Variants in AP4S1 observed in about 807,000 individuals in gnomAD.
AP4S1 encodes the protein adaptor related protein complex 4 subunit sigma 1, also known as AP-4 complex subunit sigma-1.
AP4S1 carries 23 observed loss-of-function variants against 19.8 expected under a neutral mutation model. The ratio of observed to expected loss-of-function variants is 1.16; its 90% confidence interval spans 0.84 to 1.65. AP4S1 has a LOEUF of 1.65. Ranked by LOEUF, AP4S1 falls within the 40% of genes most tolerant of loss-of-function variation. The probability of loss-of-function intolerance (pLI) is 0.00; values close to 1 mark genes in which losing one functional copy is unlikely to be tolerated. For missense variants in AP4S1, 166 were observed against 172.8 expected, an observed-to-expected ratio of 0.96 and a Z score of 0.22; for synonymous variants, 46 against 54.1, an observed-to-expected ratio of 0.85 and a Z score of 0.66.
chr14:31,059,136 A>G (rs1886292976), intron 1 of AP4S1, among the ~76,000 whole-genome samples: 1 of 152,176 alleles, frequency 6.6e-6, no homozygotes, highest in Non-Finnish European at 1.5e-5. Context: ...AAAATAGTTT[A>G]CAGTTGTGTT....
At chr14:31,070,523 C>T (rs1886943808) in intron 3 of AP4S1, among the ~76,000 whole-genome samples, 1 of 152,168 alleles carries the variant, frequency 6.6e-6, no homozygotes, top group Non-Finnish European at 1.5e-5. Flanking sequence ...GCTGGGAATA[C>T]AGGCACAAGC....
chr14:31,071,953 G>A (rs970225591), intron 3 of AP4S1, among the ~76,000 whole-genome samples: 1 of 149,182 alleles, frequency 6.7e-6, no homozygotes, highest in African/African-American at 2.5e-5. Context: ...ATGGAGTCTC[G>A]CTATGTCACT....
rs1887834741 is a variant in AP4S1, at chr14:31,084,704, C to T, written c.306+4120C>T. ...CCTGTTTCTACAGGGAGACTTTGCC[C>T]CATCACATACCTTGGTAGATTTATT... is the stretch of plus-strand genomic sequence containing the variant. On this transcript the variant is annotated intron_variant, in intron 5 of 5. Coordinates refer to ENST00000542754, the MANE Select transcript of AP4S1 (RefSeq NM_001128126.3). 2.5e-6 allele frequency: 4 copies of T among 1,607,794 alleles called. 1 individual carries two copies. In the South Asian group the frequency reaches 3.3e-5, roughly 13 times the overall value.
At chr14:31,035,347 G>A (rs915399696) in intron 1 of AP4S1, among the ~76,000 whole-genome samples, 4 of 149,370 alleles carry the variant, frequency 2.7e-5, no homozygotes, top group Non-Finnish European at 5.9e-5. Flanking sequence ...AGCACACGCC[G>A]CCACACCCAG....
rs78430423 is a variant in AP4S1 at position 31,041,807 on chromosome 14, T to G, written c.-72+16020T>G. Among the ~76,000 whole-genome samples the G allele has an allele frequency of 3.1e-3, 478 of 152,354 alleles. 1 individual carries two copies. Among genetic ancestry groups the G allele is most frequent in the African/African-American group, 0.011 (449 of 41,580 alleles). ...CCATTTCTAACCTATACCCACAGTT[T>G]GTCAAAGTAAGTATTTAATTCCCTA... On this transcript the variant is annotated intron_variant, in intron 1 of 5. Transcript: ENST00000542754.
rs1883838598 is a variant in AP4S1 at position 31,025,833 on chromosome 14, A to G, written c.-72+46A>G. 10 of 1,539,478 alleles carry G rather than the reference A, an allele frequency of 6.5e-6. No individual in the cohort carries two copies. In the South Asian group the frequency reaches 1.2e-4, roughly 18 times the overall value. ...CAAGGCGCCGGCTCCGGCTGAGTGG[A>G]GTCCCCAGCCCCACCCCCCGGCCGG... On this transcript the variant is annotated intron_variant, in intron 1 of 5. Transcript: ENST00000542754.
chr14:31,031,770 C>T (rs1341318953), intron 1 of AP4S1, among the ~76,000 whole-genome samples: 1 of 152,148 alleles, frequency 6.6e-6, no homozygotes. Flanking sequence ...GTCATTTCCT[C>T]TCTTAAAGCT....
chr14:31,026,200 C>A (rs1479029277), intron 1 of AP4S1: 9 of 1,404,922 alleles, frequency 6.4e-6, no homozygotes, highest in Non-Finnish European at 8.3e-6. Flanking sequence ...TGTGGGGCCC[C>A]GGCCGGGGCG....
chr14:31,060,258 T>G (rs936522479), intron 1 of AP4S1, among the ~76,000 whole-genome samples: 1 of 151,932 alleles, frequency 6.6e-6, no homozygotes, highest in Non-Finnish European at 1.5e-5. Context: ...ACCCCAGTTA[T>G]ATGGGGCTGA....
chr14:31,037,728 T>C (rs979777422), intron 1 of AP4S1, among the ~76,000 whole-genome samples: 1 of 152,160 alleles, frequency 6.6e-6, no homozygotes, highest in African/African-American at 2.4e-5. Context: ...GGTGGGAGGA[T>C]TGTTTGAGCC....
chr14:31,077,495 A>G (rs1462431036), intron 4 of AP4S1, among the ~76,000 whole-genome samples: 1 of 152,194 alleles, frequency 6.6e-6, no homozygotes, highest in Non-Finnish European at 1.5e-5. Context: ...GTCTTAGTGC[A>G]GCAGTTCTCA....
rs1252698123 is a variant in AP4S1, at chr14:31,094,931, G to A, written c.*1896G>A. On this transcript the variant is annotated 3_prime_UTR_variant, in exon 6 of 6. Coordinates refer to ENST00000542754, the MANE Select transcript of AP4S1 (RefSeq NM_001128126.3). ...CTCAGGAGGCTGAGGCAGTAGAATT[G>A]CTTGAACCCGGGAGGCAGAGGTTGC... 4 of 151,864 alleles carry A rather than the reference G, an allele frequency of 2.6e-5. No homozygotes were observed. The highest frequency in any genetic ancestry group is 9.7e-5 in the African/African-American group (4 of 41,284). The allele number at this position is 151,864 out of a possible 1,614,324, so 9.4% of individuals were successfully genotyped here.
intron 1 of AP4S1, among the ~76,000 whole-genome samples, chr14:31,039,791 G>A (rs1235342337): frequency 2.6e-5 from 4 of 151,206 alleles, no homozygotes; most frequent in East Asian, 2.0e-4. Flanking sequence ...GGGTTTCACC[G>A]TGTTAGCCAG....
chr14:31,038,964 A>G (rs943555932), intron 1 of AP4S1, among the ~76,000 whole-genome samples: 2 of 149,052 alleles, frequency 1.3e-5, no homozygotes, highest in African/African-American at 4.9e-5. Flanking sequence ...TTAATGACTC[A>G]TTTGTTTTTG....
In AP4S1 at chr14:31,026,286, G is replaced by T. The variant is rs1219494633; in HGVS notation, c.-72+499G>T. 4 of 1,257,464 alleles carry T rather than the reference G, an allele frequency of 3.2e-6. No individual in the cohort carries two copies. The East Asian group carries it at 9.6e-5, about 30-fold the overall frequency. 77.9% of individuals were successfully genotyped at this position (1,257,464 alleles called of 1,614,324 possible). On this transcript the variant is annotated intron_variant, in intron 1 of 5. Coordinates refer to ENST00000542754, the MANE Select transcript of AP4S1 (RefSeq NM_001128126.3). Reference sequence around the variant, plus strand: ...GCTGGCTGCGGGGCGGAGGCCGGCCGGGAGAGGGGCGGGGAAGGGGTCGTT... The same window carrying T: ...GCTGGCTGCGGGGCGGAGGCCGGCCTGGAGAGGGGCGGGGAAGGGGTCGTT...
At chr14:31,085,136 T>G in intron 5 of AP4S1, 2 of 1,276,296 alleles carry the variant, frequency 1.6e-6, no homozygotes, top group Non-Finnish European at 2.0e-6. Flanking sequence ...TATGTCTGCT[T>G]CGCCAGCACC....
chr14:31,062,203 A>T (rs1886476448), intron 1 of AP4S1, among the ~76,000 whole-genome samples: 1 of 152,164 alleles, frequency 6.6e-6, no homozygotes, highest in Non-Finnish European at 1.5e-5. Flanking sequence ...GGTTCAAGTG[A>T]TTCTCCTGCC....
At chr14:31,058,798 A>G (rs1279009114) in intron 1 of AP4S1, among the ~76,000 whole-genome samples, 2 of 150,892 alleles carry the variant, frequency 1.3e-5, no homozygotes, top group Non-Finnish European at 2.9e-5. Context: ...CTGGTCCCCA[A>G]CTTCTGGGCT....
intron 5 of AP4S1, chr14:31,083,496 CTTTTTT>C (rs768336426): frequency 2.9e-4 from 73 of 255,032 alleles, no homozygotes; most frequent in Middle Eastern, 1.4e-3. Flanking sequence ...TGTTGACACT[CTTTTTT>C]TTTTTTTTTT....
Sources: gnomAD v4.1 joint callset for allele counts (sites outside exome capture counted in the v4.1 genomes callset) on GRCh38, gnomAD v4.1.1 for gene constraint, MANE v1.5 for transcripts, NCBI Gene and HGNC (gene_info 2026-07-23, HGNC 2026-07-21) for gene names.